The following CACNA1F variants were observed in gnomAD, a reference collection of about 807,000 sequenced individuals.
CACNA1F encodes calcium voltage-gated channel subunit alpha1 F, also known as voltage-dependent L-type calcium channel subunit alpha-1F.
A neutral mutation model predicts 143.8 loss-of-function variants in CACNA1F; 59 were observed. The ratio of observed to expected loss-of-function variants is 0.41; its 90% CI spans 0.33 to 0.51. The LOEUF (loss-of-function observed/expected upper bound fraction) is 0.51. CACNA1F is among the 20% of genes least tolerant of loss of function. The pLI is 0.22. For synonymous variants in CACNA1F, 643 were observed against 649.1 expected (o/e 0.99, Z 0.14); for missense variants, 1,411 against 1,647.5 (o/e 0.86, Z 2.48).
intron 24 of CACNA1F, 68 bp from the exon 25 acceptor site, chrX:49,218,073 G>T: frequency 1.3e-6 from 1 of 794,771 alleles, no homozygotes; most frequent in Non-Finnish European, 1.9e-6. Flanking sequence ...AGGGACTCTG[G>T]TCATAGATGC....
intron 46 of CACNA1F, 91 bp downstream of exon 46, chrX:49,206,413 AAAAAAAG>A: frequency 8.4e-5 from 37 of 441,402 alleles, no homozygotes; most frequent in South Asian, 1.1e-4. Flanking sequence ...AAAAAAAAAA[AAAAAAAG>A]GGCCTGATAT....
rs1384854797 is a variant in CACNA1F at position 49,210,949 on chromosome X, G to A, written c.4388+16C>T. 2 of 1,198,865 alleles carry A rather than the reference G, an allele frequency of 1.7e-6. No individual in the cohort carries two copies. The highest frequency in any genetic ancestry group is 3.5e-5 in the African/African-American group (2 of 56,749). On this transcript the variant is annotated intron_variant, in intron 37 of 47. Coordinates refer to ENST00000323022, the MANE Select transcript of CACNA1F (RefSeq NM_001256789.3). The stretch of plus-strand genomic sequence containing the variant: ...CATTGTCCCCTGGATTCTAGGTAAG[G>A]GTATAGAGGGCATACTTGGCCCCAG...
intron 19 of CACNA1F, 93 bp downstream of exon 19, chrX:49,220,380 C>A: frequency 3.2e-6 from 2 of 617,199 alleles, no homozygotes; most frequent in Non-Finnish European, 5.3e-6. Context: ...AAAGGCTGAT[C>A]TCTGGAGAGG....
At chrX:49,223,166 G>C (rs1250084080) in intron 14 of CACNA1F, 30 bp from the exon 15 acceptor site, 4 of 1,003,469 alleles carry the variant, frequency 4.0e-6, no homozygotes, top group Non-Finnish European at 5.6e-6. Flanking sequence ...GGGCAGGGTC[G>C]ATGCCATGTC....
chrX:49,231,407 G>A (rs1164195877), intron 2 of CACNA1F, 100 bp from the exon 3 acceptor site: 1 of 679,675 alleles, frequency 1.5e-6, no homozygotes, highest in Non-Finnish European at 2.3e-6. Context: ...CGCCCAAGGT[G>A]ACAGGTCCTG....
Position 49,218,537 on chromosome X carries a change from C to T in CACNA1F, c.2846G>A (p.Ser949Asn). Residue 949 changes from serine to asparagine, a missense_variant, in exon 24 of 48, where the codon AGC becomes AAC. Ser to Asn is a conservative substitution (Grantham distance 46). Transcript: ENST00000323022. Reference sequence around the variant, plus strand: ...CAGAATCTTCACCACCGAGATGGCGCTGGAGCTGGGGAAGGGGCAATCCTC... The same window carrying T: ...CAGAATCTTCACCACCGAGATGGCGTTGGAGCTGGGGAAGGGGCAATCCTC... The part of the protein sequence containing the change: ...VSLISFGIHS[S>N]AISVVKILRV... 6 of 1,192,428 alleles carry T rather than the reference C, an allele frequency of 5.0e-6. No individual in the cohort carries two copies. The highest frequency in any genetic ancestry group is 5.6e-6 in the Non-Finnish European group (5 of 886,133).
chrX:49,226,888 A>G (rs781871935), intron 9 of CACNA1F, 82 bp downstream of exon 9: 4 of 1,168,994 alleles, frequency 3.4e-6, no homozygotes, highest in Non-Finnish European at 4.6e-6. Flanking sequence ...TCAGGAGGGC[A>G]GACCACATCT....
intron 17 of CACNA1F, among the ~76,000 whole-genome samples, chrX:49,221,730 A>G (rs1202786449): frequency 2.8e-5 from 3 of 106,835 alleles, no homozygotes; most frequent in Non-Finnish European, 1.9e-5. Context: ...CTGTAATCTC[A>G]GCACTTTGGG....
Position 49,218,527 on chromosome X carries a change from C to T in CACNA1F, c.2856G>A (p.Ser952=), listed in dbSNP as rs782571086. Residue 952 remains serine, a synonymous_variant, in exon 24 of 48, where the codon TCG becomes TCA. Transcript: ENST00000323022. ...GGAGTACTCGCAGAATCTTCACCAC[C>T]GAGATGGCGCTGGAGCTGGGGAAGG... The part of the protein sequence containing the change: ...ISFGIHSSAI[S]VVKILRVLRV... 37 of 1,188,537 alleles carry T rather than the reference C, an allele frequency of 3.1e-5. No individual in the cohort carries two copies. The Middle Eastern group carries it at 6.9e-4, about 22-fold the overall frequency.
Position 49,206,637 on chromosome X carries a change from G to T in CACNA1F, c.5360-14C>A. 8.3e-7 allele frequency: 1 copy of T among 1,202,611 alleles called. No homozygotes were observed. Among genetic ancestry groups the T allele is most frequent in the Non-Finnish European group, 1.1e-6 (1 of 887,415 alleles). On this transcript the variant is annotated splice_polypyrimidine_tract_variant and intron_variant, in intron 45 of 47. Transcript: ENST00000323022. ...AGGGCTTCCGACCTGGGGGTGGGTG[G>T]GGCACCAGGGGCAAATAGCAATGTC... is the stretch of plus-strand genomic sequence containing the variant.
chrX:49,226,758 A>T (rs1316233502), intron 9 of CACNA1F, 56 bp from the exon 10 acceptor site: 12 of 1,045,862 alleles, frequency 1.1e-5, no homozygotes, highest in Non-Finnish European at 1.4e-5. Flanking sequence ...GGTTAGGGCC[A>T]TGTCTAGGGT....
chrX:49,217,974 C>A lies in CACNA1F; in HGVS notation c.2960G>T (p.Arg987Leu). 8.3e-7 allele frequency: 1 copy of A among 1,209,743 alleles called. No homozygotes were observed. Among genetic ancestry groups the A allele is most frequent in the Non-Finnish European group, 1.1e-6 (1 of 894,116 alleles). Residue 987 changes from arginine to leucine, a missense_variant, in exon 25 of 48, where the codon CGG (arginine) becomes CTG (leucine). By Grantham distance (102) the Arg-to-Leu change is moderately radical (BLOSUM62 -2). Coordinates refer to ENST00000323022, the MANE Select transcript of CACNA1F (RefSeq NM_001256789.3). ...HVVQCVFVAI[R>L]TIGNIMIVTT... ...GACAATCATGATGTTTCCGATGGTC[C>A]GGATGGCCACAAATACACACTGCAC... is the stretch of plus-strand genomic sequence containing the variant.
At chrX:49,223,734 CTT>C (rs59224271) in intron 14 of CACNA1F, among the ~76,000 whole-genome samples, 20 of 70,757 alleles carry the variant, frequency 2.8e-4, no homozygotes, top group Middle Eastern at 7.1e-3. Context: ...TTTTTCTTAT[CTT>C]TTTTTTTTTT....
intron 10 of CACNA1F, 42 bp from the exon 11 acceptor site, chrX:49,226,544 C>G: frequency 8.6e-7 from 1 of 1,158,428 alleles, no homozygotes; most frequent in Non-Finnish European, 1.2e-6. Context: ...CTGAAGACCC[C>G]GAGGTCCAAT....
chrX:49,218,597 G>A (rs1557108035), intron 23 of CACNA1F, 32 bp downstream of exon 23: 1 of 1,180,754 alleles, frequency 8.5e-7, no homozygotes, highest in Non-Finnish European at 1.1e-6. Context: ...GGCTGTGAGA[G>A]GAATGGGGTG....
chrX:49,208,268 GAA>G (rs1244423876), intron 43 of CACNA1F, among the ~76,000 whole-genome samples: 1 of 109,497 alleles, frequency 9.1e-6, no homozygotes, highest in Non-Finnish European at 1.9e-5. Context: ...AATGTGAACT[GAA>G]ACTCTTGGTT....
Position 49,210,587 on chromosome X carries a change from G to C in CACNA1F, c.4485+3C>G. 4.1e-6 allele frequency: 5 copies of C among 1,204,989 alleles called. No homozygotes were observed. In the South Asian group the frequency reaches 8.8e-5, roughly 21 times the overall value. On this transcript the variant is annotated splice_donor_region_variant and intron_variant, in intron 38 of 47. Coordinates refer to ENST00000323022, the MANE Select transcript of CACNA1F (RefSeq NM_001256789.3). ...GAGCCTGGGGGTGGGCAGGTGCACA[G>C]ACCTTGCAGGCCACTCGGTGTGGGC...
At position 49,214,044 on chromosome X, in the gene CACNA1F, C is replaced by T. The variant is rs781832622; in HGVS notation, c.3708+115G>A. On this transcript the variant is annotated intron_variant, in intron 30 of 47. Transcript: ENST00000323022. ...GGCCTGCACCTGAGTCCCTCTCACT[C>T]CCTAGACTCACACTCCCTGGCTGCT... is the stretch of plus-strand genomic sequence containing the variant. The T allele has an allele frequency of 2.3e-3, 1,488 of 642,062 alleles. 2 individuals are homozygous for T. The highest frequency in any genetic ancestry group is 0.017 in the South Asian group (752 of 44,544). 52.9% of individuals were successfully genotyped at this position (642,062 alleles called of 1,213,427 possible). A position where few individuals can be genotyped will look rare whatever the true frequency, so the allele number is the denominator to read the frequency against.
intron 8 of CACNA1F, among the ~76,000 whole-genome samples, chrX:49,227,441 C>T (rs1337598249): frequency 8.9e-6 from 1 of 111,837 alleles, no homozygotes; most frequent in Non-Finnish European, 1.9e-5. Context: ...CCTTCCACCT[C>T]AGCTTCCTGA....
Sources: gnomAD v4.1 joint callset for allele counts (sites outside exome capture counted in the v4.1 genomes callset) on GRCh38, gnomAD v4.1.1 for gene constraint, MANE v1.5 for transcripts, NCBI Gene and HGNC (gene_info 2026-07-23, HGNC 2026-07-21) for gene names.